Variants in DZIP3 observed in about 807,000 individuals in gnomAD.
The protein encoded by DZIP3 is DAZ interacting zinc finger protein 3.
Under a neutral mutation model 162.0 loss-of-function variants are expected in DZIP3, and 118 were observed. The ratio of observed to expected loss-of-function variants is 0.73; its 90% confidence interval spans 0.63 to 0.85. The LOEUF (loss-of-function observed/expected upper bound fraction) is 0.85, where lower values mean the gene tolerates loss of function less well. Among genes scored for constraint, DZIP3 ranks in the 40% least tolerant of loss-of-function variants. The pLI is 0.00. For synonymous variants in DZIP3, 438 were observed against 458.6 expected (o/e 0.96, Z 0.57); for missense variants, 1,331 against 1,407.0 (o/e 0.95, Z 0.86).
intron 27 of DZIP3, among the ~76,000 whole-genome samples, chr3:108,685,706 T>C (rs1944473169): frequency 6.6e-6 from 1 of 152,184 alleles, no homozygotes; most frequent in Non-Finnish European, 1.5e-5. Flanking sequence ...CATCTTTATT[T>C]GGTTGTTTGA....
At chr3:108,616,292 A>G (rs1397320968) in intron 4 of DZIP3, among the ~76,000 whole-genome samples, 1 of 151,138 alleles carries the variant, frequency 6.6e-6, no homozygotes, top group Non-Finnish European at 1.5e-5. Flanking sequence ...AAATAAATAA[A>G]TAAATAAATA....
rs142342971 is a variant in DZIP3, at chr3:108,644,480, A to G, written c.1458A>G (p.Gly486=). The change falls in exon 14 of 33, where the codon GGA becomes GGG. Residue 486 remains glycine (G), a synonymous_variant. Coordinates refer to ENST00000361582, the MANE Select transcript of DZIP3 (RefSeq NM_014648.4). ...HLNVFPAPKK[G]WNMEPPSSDI... ...ATGTGTTCCCTGCACCCAAAAAAGGATGGAATATGGAACCGCCATCTTCTG... is the reference window on the plus strand; with the variant it reads ...ATGTGTTCCCTGCACCCAAAAAAGGGTGGAATATGGAACCGCCATCTTCTG... The G allele has an allele frequency of 9.5e-4, 1,539 of 1,614,086 alleles. No homozygotes were observed. The highest frequency in any genetic ancestry group is 1.2e-3 in the Non-Finnish European group (1,397 of 1,179,976).
At chr3:108,669,532 G>A (rs1576450364) in intron 21 of DZIP3, 149 bp from the exon 22 acceptor site, 1 of 604,672 alleles carries the variant, frequency 1.7e-6, no homozygotes, top group Non-Finnish European at 2.9e-6. Context: ...AAAGGACCAG[G>A]TATAGGAGTT....
chr3:108,604,635 G>GC (rs1940222116), intron 1 of DZIP3, among the ~76,000 whole-genome samples: 1 of 152,178 alleles, frequency 6.6e-6, no homozygotes, highest in African/African-American at 2.4e-5. Flanking sequence ...CACAGATTGT[G>GC]CAAGTGTTCT....
At chr3:108,600,012 T>A (rs1216297130) in intron 1 of DZIP3, among the ~76,000 whole-genome samples, 1 of 152,112 alleles carries the variant, frequency 6.6e-6, no homozygotes, top group African/African-American at 2.4e-5. Context: ...TGTACTCAGA[T>A]CAACAATAGT....
At chr3:108,626,606 A>T (rs1305830557) in intron 7 of DZIP3, among the ~76,000 whole-genome samples, 1 of 152,194 alleles carries the variant, frequency 6.6e-6, no homozygotes, top group East Asian at 1.9e-4. Flanking sequence ...AACATCATTC[A>T]TTCATTTTAT....
intron 31 of DZIP3, among the ~76,000 whole-genome samples, chr3:108,689,901 G>A (rs574991211): frequency 6.6e-6 from 1 of 152,252 alleles, no homozygotes; most frequent in South Asian, 2.1e-4. Flanking sequence ...GTTCAGTCAA[G>A]CCATGTTTGT....
chr3:108,655,038 A>G (rs560550832), intron 19 of DZIP3, among the ~76,000 whole-genome samples: 1 of 152,298 alleles, frequency 6.6e-6, no homozygotes, highest in East Asian at 1.9e-4. Context: ...CCTAATTAGA[A>G]TATGTACATT....
rs948270004 is a variant in DZIP3, at chr3:108,620,406, CA to C, written c.375+3751del. 1.4e-4 allele frequency among the ~76,000 whole-genome samples: 22 copies of C among 152,290 alleles called. No individual in the cohort carries two copies. The East Asian group carries it at 4.1e-3, about 28-fold the overall frequency. ...TCAGTTAGGGAACACTGCCAAAATT[CA>C]AGTTCCCAGACATCAGCCAAAGATC... On this transcript the variant is annotated intron_variant, in intron 5 of 32. Transcript: ENST00000361582.
intron 7 of DZIP3, among the ~76,000 whole-genome samples, chr3:108,627,401 T>C (rs1941635634): frequency 1.3e-5 from 2 of 152,188 alleles, no homozygotes; most frequent in African/African-American, 2.4e-5. Context: ...GTAGTTCTTA[T>C]TGTATTAATG....
chr3:108,659,902 A>G (rs1943339582), intron 19 of DZIP3, among the ~76,000 whole-genome samples: 1 of 152,120 alleles, frequency 6.6e-6, no homozygotes, highest in Admixed American at 6.5e-5. Context: ...CTTCAAAGAG[A>G]ATAAAATACC....
intron 1 of DZIP3, among the ~76,000 whole-genome samples, chr3:108,592,791 C>G (rs1307337484): frequency 2.0e-5 from 3 of 149,440 alleles, no homozygotes; most frequent in African/African-American, 7.4e-5. Flanking sequence ...TTGTTCCATT[C>G]TTATTATGTT....
chr3:108,611,044 C>G (rs1940676903), intron 3 of DZIP3, 130 bp from the exon 4 acceptor site: 4 of 806,084 alleles, frequency 5.0e-6, no homozygotes, highest in Non-Finnish European at 7.5e-6. Flanking sequence ...TTTTATAATT[C>G]TGTCATAGAA....
intron 20 of DZIP3, 30 bp from the exon 21 acceptor site, chr3:108,662,096 ATAAT>A (rs1943464995): frequency 6.4e-7 from 1 of 1,574,630 alleles, no homozygotes; most frequent in African/African-American, 1.4e-5. Flanking sequence ...TGACTTGAAC[ATAAT>A]TATCTGAAAT....
At chr3:108,678,831 C>T (rs1164329163) in intron 26 of DZIP3, among the ~76,000 whole-genome samples, 2 of 151,980 alleles carry the variant, frequency 1.3e-5, no homozygotes, top group Non-Finnish European at 2.9e-5. Context: ...GTTATTTCTC[C>T]TCATGGTTGA....
chr3:108,655,145 T>C (rs1332884322), intron 19 of DZIP3, among the ~76,000 whole-genome samples: 3 of 152,174 alleles, frequency 2.0e-5, no homozygotes, highest in Non-Finnish European at 4.4e-5. Flanking sequence ...CTATGGGAAC[T>C]CAAAGATAGA....
At chr3:108,590,861 A>G (rs1421058033) in intron 1 of DZIP3, among the ~76,000 whole-genome samples, 1 of 152,206 alleles carries the variant, frequency 6.6e-6, no homozygotes, top group African/African-American at 2.4e-5. Flanking sequence ...TTCAATAAGT[A>G]GTTCATTGAG....
chr3:108,612,198 A>G (rs1559725646), intron 4 of DZIP3, among the ~76,000 whole-genome samples: 1 of 152,152 alleles, frequency 6.6e-6, no homozygotes, highest in Non-Finnish European at 1.5e-5. Flanking sequence ...GCAATTAACT[A>G]GAGAAGAGAA....
At chr3:108,640,708 T>A (rs1231999491) in intron 12 of DZIP3, among the ~76,000 whole-genome samples, 2 of 152,166 alleles carry the variant, frequency 1.3e-5, no homozygotes, top group Non-Finnish European at 2.9e-5. Flanking sequence ...CCTCCCAAAG[T>A]GCTGGGATTA....
Sources: allele counts gnomAD v4.1 joint callset (sites outside exome capture counted in the v4.1 genomes callset), GRCh38; gene constraint gnomAD v4.1.1; transcripts MANE v1.5; gene names NCBI Gene and HGNC (gene_info 2026-07-23, HGNC 2026-07-21).